The following RGS12 variants were observed in gnomAD, a reference collection of about 807,000 sequenced individuals.
RGS12 encodes the protein regulator of G protein signaling 12, also known as regulator of G-protein signaling 12.
Under a neutral mutation model 120.1 loss-of-function variants are expected in RGS12, and 66 were observed. The ratio of observed to expected loss-of-function variants is 0.55; its 90% confidence interval spans 0.45 to 0.67. The LOEUF (loss-of-function observed/expected upper bound fraction) is 0.67, where lower values mean the gene tolerates loss of function less well. RGS12 is among the 30% of genes least tolerant of loss of function. The pLI, the probability that RGS12 is intolerant of heterozygous loss-of-function variation, is 0.00. For missense variants in RGS12, 1,859 were observed against 1,957.7 expected (o/e 0.95, Z 0.95); for synonymous variants, 827 against 804.7 (o/e 1.03, Z -0.47).
At chr4:3,438,424 G>C (rs960663032) in intron 17 of RGS12, among the ~76,000 whole-genome samples, 1 of 151,982 alleles carries the variant, frequency 6.6e-6, no homozygotes, top group African/African-American at 2.4e-5. Flanking sequence ...GTACAGATGG[G>C]GGGGTGGGGT....
At chr4:3,308,811 G>A (rs1050088590) in intron 1 of RGS12, among the ~76,000 whole-genome samples, 2 of 152,256 alleles carry the variant, frequency 1.3e-5, no homozygotes, top group Non-Finnish European at 2.9e-5. Context: ...GCTGGGAGCC[G>A]CTCTGTCAGG....
chr4:3,362,151 G>A (rs1354104260), intron 3 of RGS12, among the ~76,000 whole-genome samples: 1 of 152,140 alleles, frequency 6.6e-6, no homozygotes. Context: ...TGTCTCAAAG[G>A]GCAGCGGCAG....
intron 4 of RGS12, among the ~76,000 whole-genome samples, chr4:3,411,713 G>A (rs1171765575): frequency 2.6e-5 from 4 of 151,928 alleles, no homozygotes; most frequent in African/African-American, 9.7e-5. Flanking sequence ...TGCAAGTTGA[G>A]TGTGTGTGAG....
At chr4:3,339,854 TG>T (rs1712860515) in intron 2 of RGS12, among the ~76,000 whole-genome samples, 1 of 152,232 alleles carries the variant, frequency 6.6e-6, no homozygotes. Flanking sequence ...GGCACACTAA[TG>T]TGTGAGCCCT....
chr4:3,418,006 G>A (rs1722592213), intron 9 of RGS12: 1 of 158,728 alleles, frequency 6.3e-6, no homozygotes, highest in African/African-American at 2.4e-5. Context: ...GGGTCCATGT[G>A]CCTTTTACAT....
At chr4:3,310,334 G>A (rs985865892) in intron 1 of RGS12, among the ~76,000 whole-genome samples, 5 of 135,178 alleles carry the variant, frequency 3.7e-5, no homozygotes, top group South Asian at 2.4e-4. Context: ...GGAACCGGGC[G>A]GGAGAGGAGC....
intron 16 of RGS12, among the ~76,000 whole-genome samples, chr4:3,429,026 C>G (rs889404323): frequency 6.6e-6 from 1 of 152,242 alleles, no homozygotes; most frequent in Non-Finnish European, 1.5e-5. Flanking sequence ...TATGGCCCCA[C>G]CACTGGCTTG....
intron 4 of RGS12, 164 bp from the exon 5 acceptor site, chr4:3,413,908 T>C: frequency 1.5e-6 from 1 of 668,178 alleles, no homozygotes; most frequent in Non-Finnish European, 2.5e-6. Flanking sequence ...GTGTGTAGAA[T>C]GCACTGGCAG....
chr4:3,343,768 C>T (rs542834223), intron 3 of RGS12, among the ~76,000 whole-genome samples: 6 of 152,116 alleles, frequency 3.9e-5, no homozygotes, highest in Admixed American at 1.3e-4. Context: ...TGCACCCTCC[C>T]GTTGAACTCT....
At chr4:3,295,004 C>A (rs966135577) in intron 1 of RGS12, among the ~76,000 whole-genome samples, 1 of 152,066 alleles carries the variant, frequency 6.6e-6, no homozygotes, top group African/African-American at 2.4e-5. Flanking sequence ...AGGCACTCGA[C>A]AGGCACTGCA....
Position 3,382,364 on chromosome 4 carries a change from C to T in RGS12, c.1999-4052C>T, listed in dbSNP as rs539553030. Reference sequence around the variant, plus strand: ...AGTCCCTCTGCCTCCTCCTCAGCTCCACTCCTGAGCACAGACAAGCCCAGC... The same window carrying T: ...AGTCCCTCTGCCTCCTCCTCAGCTCTACTCCTGAGCACAGACAAGCCCAGC... On this transcript the variant is annotated intron_variant, in intron 3 of 17. Coordinates refer to ENST00000336727, the MANE Select transcript of RGS12 (RefSeq NM_001394154.1). 1.5e-4 allele frequency among the ~76,000 whole-genome samples: 23 copies of T among 152,288 alleles called. No homozygotes were observed. In the South Asian group the frequency reaches 4.4e-3, roughly 29 times the overall value.
intron 2 of RGS12, among the ~76,000 whole-genome samples, chr4:3,322,218 G>A (rs947595992): frequency 2.6e-5 from 4 of 152,338 alleles, no homozygotes; most frequent in Admixed American, 2.6e-4. Context: ...ACCGAGCCAC[G>A]TGGTGACCTT....
rs75068773 is a variant in RGS12, at chr4:3,317,133, C to T, written c.963C>T (p.Asp321=). 1.9e-5 allele frequency: 30 copies of T among 1,613,840 alleles called. No homozygotes were observed. The African/African-American group carries it at 2.8e-4, about 15-fold the overall frequency. The change falls in exon 2 of 18, where the codon GAC becomes GAT. Residue 321 remains aspartate, a synonymous_variant. Coordinates refer to ENST00000336727, the MANE Select transcript of RGS12 (RefSeq NM_001394154.1). ...GGTTGGTTACCATGCAGACGAATGA[C>T]GACGGGAGCCTGGCCCAGGAGGAGG... ...FFGLVTMQTN[D]DGSLAQEEEG... is the part of the protein sequence containing the mutation.
intron 17 of RGS12, chr4:3,431,727 C>T: frequency 1.0e-6 from 1 of 985,614 alleles, no homozygotes; most frequent in Non-Finnish European, 1.2e-6. Context: ...GAGAGAGGAG[C>T]CGCTCAGGGT....
In RGS12 at chr4:3,430,359, A is replaced by T. The variant is rs1005969263; in HGVS notation, c.3566-48A>T. On this transcript the variant is annotated intron_variant, in intron 16 of 17. Coordinates refer to ENST00000336727, the MANE Select transcript of RGS12 (RefSeq NM_001394154.1). ...AGAATGTTCTGCGGTGACAGTCATT[A>T]ATGTGAAACTCTCTAAAACACGGTC... 3.3e-6 allele frequency: 5 copies of T among 1,508,220 alleles called. No homozygotes were observed. In the Admixed American group the frequency reaches 5.4e-5, roughly 16 times the overall value. 93.4% of individuals were successfully genotyped at this position (1,508,220 alleles called of 1,614,324 possible). A position where few individuals can be genotyped will look rare whatever the true frequency, so the allele number is the denominator to read the frequency against.
intron 3 of RGS12, among the ~76,000 whole-genome samples, chr4:3,354,426 A>G (rs1180133632): frequency 6.6e-6 from 1 of 152,160 alleles, no homozygotes; most frequent in East Asian, 1.9e-4. Context: ...TCCCAAATGG[A>G]CTTTCATGTG....
chr4:3,317,724 A>T lies in RGS12; in HGVS notation c.1554A>T (p.Ser518=), dbSNP rs748904064. The change falls in exon 2 of 18, where the codon TCA becomes TCT. Residue 518 remains serine (S), a synonymous_variant. Transcript: ENST00000336727. The part of the protein sequence containing the change: ...VEVPPASLRS[S]VPPSKRGTVG... ...TGCCCCCAGCTTCCTTGAGGAGCTCAGTCCCCCCTTCCAAGAGGGGCACCG... is the reference window on the plus strand; with the variant it reads ...TGCCCCCAGCTTCCTTGAGGAGCTCTGTCCCCCCTTCCAAGAGGGGCACCG... 1 of 1,613,520 alleles carries T rather than the reference A, an allele frequency of 6.2e-7. No homozygotes were observed. Among genetic ancestry groups the T allele is most frequent in the Admixed American group, 1.7e-5 (1 of 60,030 alleles).
At chr4:3,338,203 G>A (rs988248320) in intron 2 of RGS12, among the ~76,000 whole-genome samples, 3 of 152,216 alleles carry the variant, frequency 2.0e-5, no homozygotes, top group African/African-American at 7.2e-5. Context: ...TGGGATTACA[G>A]GCATGTGCCA....
At chr4:3,362,153 C>T (rs1715631809) in intron 3 of RGS12, among the ~76,000 whole-genome samples, 1 of 151,804 alleles carries the variant, frequency 6.6e-6, no homozygotes, top group South Asian at 2.1e-4. Flanking sequence ...TCTCAAAGGG[C>T]AGCGGCAGTG....
Sources: gnomAD v4.1 joint callset for allele counts (sites outside exome capture counted in the v4.1 genomes callset) on GRCh38, gnomAD v4.1.1 for gene constraint, MANE v1.5 for transcripts, NCBI Gene and HGNC (gene_info 2026-07-23, HGNC 2026-07-21) for gene names.